Variants in FGF14 observed in about 807,000 individuals in gnomAD.
The protein encoded by FGF14 is fibroblast growth factor homologous factor 4.
A neutral mutation model predicts 25.5 loss-of-function variants in FGF14; 5 were observed. The ratio of observed to expected loss-of-function variants is 0.20; its 90% CI spans 0.10 to 0.41. The LOEUF (loss-of-function observed/expected upper bound fraction) is 0.41, where lower values mean the gene tolerates loss of function less well. Among genes scored for constraint, FGF14 ranks in the 10% least tolerant of loss-of-function variants. FGF14 has a pLI of 1.00. For synonymous variants in FGF14, 138 were observed against 118.3 expected (o/e 1.17, Z -1.08); for missense variants, 222 against 320.1 (o/e 0.69, Z 2.34).
chr13:102,204,427 T>C (rs1439653555), intron 1 of FGF14, among the ~76,000 whole-genome samples: 1 of 152,128 alleles, frequency 6.6e-6, no homozygotes, highest in Non-Finnish European at 1.5e-5. Context: ...CAAACCTCAG[T>C]TTAGTGGCCA....
intron 1 of FGF14, among the ~76,000 whole-genome samples, chr13:102,281,504 A>T (rs1778239581): frequency 6.6e-6 from 1 of 152,014 alleles, no homozygotes; most frequent in Admixed American, 6.5e-5. Context: ...CAGTGCTTTG[A>T]CCTGACTCTA....
At chr13:101,968,760 G>A (rs947633067) in intron 1 of FGF14, among the ~76,000 whole-genome samples, 3 of 150,226 alleles carry the variant, frequency 2.0e-5, no homozygotes, top group African/African-American at 7.4e-5. Context: ...AGCCACAAAA[G>A]TGTGAGATCA....
At chr13:101,917,873 A>G (rs1419777188), upstream of FGF14, among the ~76,000 whole-genome samples, 1 of 152,072 alleles carries the variant, frequency 6.6e-6, no homozygotes, top group Non-Finnish European at 1.5e-5. Context: ...CTGCTACAGA[A>G]CAGCAGCTGG....
intron 3 of FGF14, among the ~76,000 whole-genome samples, chr13:101,844,538 G>A (rs755128393): frequency 6.6e-6 from 1 of 151,960 alleles, no homozygotes; most frequent in Non-Finnish European, 1.5e-5. Flanking sequence ...GTATGGCTGA[G>A]CTTCTTTTTA....
intron 3 of FGF14, among the ~76,000 whole-genome samples, chr13:101,733,309 C>G (rs1297922249): frequency 6.6e-6 from 1 of 151,936 alleles, no homozygotes; most frequent in Non-Finnish European, 1.5e-5. Flanking sequence ...GTTTAAGAGA[C>G]AACTTTTGGC....
intron 1 of FGF14, among the ~76,000 whole-genome samples, chr13:101,947,286 G>C (rs2035869445): frequency 1.3e-5 from 2 of 152,116 alleles, no homozygotes; most frequent in South Asian, 4.1e-4. Flanking sequence ...ATTTCTCTAA[G>C]AACTTAAAAC....
At chr13:102,022,172 C>A (rs963815228) in intron 1 of FGF14, among the ~76,000 whole-genome samples, 1 of 152,038 alleles carries the variant, frequency 6.6e-6, no homozygotes, top group Non-Finnish European at 1.5e-5. Flanking sequence ...AAAAGAGCTT[C>A]CTTTTTAATC....
chr13:102,060,525 CA>C (rs958273771), intron 1 of FGF14, among the ~76,000 whole-genome samples: 1 of 151,970 alleles, frequency 6.6e-6, no homozygotes. Flanking sequence ...GACTCTGTCT[CA>C]AAAAAAGAAG....
At chr13:102,160,425 C>T (rs1485131225) in intron 1 of FGF14, among the ~76,000 whole-genome samples, 4 of 152,204 alleles carry the variant, frequency 2.6e-5, no homozygotes, top group East Asian at 3.8e-4. Context: ...AGGGCTGCTA[C>T]GTCCACTACT....
intron 1 of FGF14, among the ~76,000 whole-genome samples, chr13:101,905,441 C>T (rs748381832): frequency 1.3e-4 from 20 of 152,040 alleles, no homozygotes; most frequent in Non-Finnish European, 1.2e-4. Flanking sequence ...TCTCAGCAAA[C>T]TAACACAAGA....
intron 1 of FGF14, among the ~76,000 whole-genome samples, chr13:102,339,022 A>G (rs955399605): frequency 9.3e-5 from 14 of 151,268 alleles, no homozygotes; most frequent in Admixed American, 5.9e-4. Context: ...AAAAAAAAAA[A>G]AAAGAAAGAA....
chr13:102,006,581 G>C (rs1407893476), intron 1 of FGF14, among the ~76,000 whole-genome samples: 1 of 151,752 alleles, frequency 6.6e-6, no homozygotes, highest in Non-Finnish European at 1.5e-5. Context: ...CTCCTTTTTT[G>C]TTCCACCCAA....
At chr13:102,126,167 A>T (rs1175826240) in intron 1 of FGF14, among the ~76,000 whole-genome samples, 4 of 140,402 alleles carry the variant, frequency 2.8e-5, no homozygotes, top group African/African-American at 1.0e-4. Context: ...TTTTTCCAAA[A>T]CTTTATTCAT....
At chr13:101,880,460 T>C (rs918135708) in intron 1 of FGF14, among the ~76,000 whole-genome samples, 1 of 152,054 alleles carries the variant, frequency 6.6e-6, no homozygotes, top group Non-Finnish European at 1.5e-5. Flanking sequence ...CCAGCTATTC[T>C]GGAGGCTGAG....
chr13:102,273,573 G>C (rs2053357637), intron 1 of FGF14, among the ~76,000 whole-genome samples: 1 of 152,192 alleles, frequency 6.6e-6, no homozygotes, highest in Non-Finnish European at 1.5e-5. Flanking sequence ...CTTAATTTTA[G>C]TAACAGATTG....
intron 1 of FGF14, chr13:102,002,978 A>T (rs2039580396): frequency 6.6e-6 from 1 of 152,202 alleles, no homozygotes; most frequent in Non-Finnish European, 1.5e-5. Context: ...TGCTTCCTGA[A>T]ATTAACAGCA....
intron 1 of FGF14, among the ~76,000 whole-genome samples, chr13:102,217,166 A>G (rs1358704632): frequency 6.6e-6 from 1 of 152,190 alleles, no homozygotes; most frequent in Admixed American, 6.5e-5. Flanking sequence ...TTACATACAT[A>G]CCCAGTAGTG....
At chr13:101,884,062 C>CAAAAA (rs11315735) in intron 1 of FGF14, among the ~76,000 whole-genome samples, 122 of 37,732 alleles carry the variant, frequency 3.2e-3, no homozygotes, top group Non-Finnish European at 3.8e-3. Flanking sequence ...GACTCCATCT[C>CAAAAA]AAAAAAAAAA....
chr13:102,362,405 C>A (rs982508292), intron 1 of FGF14, among the ~76,000 whole-genome samples: 2 of 152,150 alleles, frequency 1.3e-5, no homozygotes, highest in South Asian at 2.1e-4. Flanking sequence ...CTCCACCAAA[C>A]TGAATTCAGT....
Sources: allele counts gnomAD v4.1 joint callset (sites outside exome capture counted in the v4.1 genomes callset), GRCh38; gene constraint gnomAD v4.1.1; transcripts MANE v1.5; gene names NCBI Gene and HGNC (gene_info 2026-07-23, HGNC 2026-07-21).